The following RALGAPA2 variants were observed in gnomAD, a reference collection of about 807,000 sequenced individuals.
The protein encoded by RALGAPA2 is Ral GTPase activating protein catalytic subunit alpha 2.
Under a neutral mutation model 230.4 loss-of-function variants are expected in RALGAPA2, and 139 were observed. The ratio of observed to expected loss-of-function variants is 0.60; its 90% CI spans 0.53 to 0.69. The LOEUF (loss-of-function observed/expected upper bound fraction) is 0.69. Among genes scored for constraint, RALGAPA2 ranks in the 30% least tolerant of loss-of-function variants. The pLI, the probability that RALGAPA2 is intolerant of heterozygous loss-of-function variation, is 0.00. For synonymous variants in RALGAPA2, 847 were observed against 837.8 expected (o/e 1.01, Z -0.19); for missense variants, 2,163 against 2,276.0 (o/e 0.95, Z 1.01).
chr20:20,602,032 CT>C, intron 15 of RALGAPA2, among the ~76,000 whole-genome samples, 186 bp from the exon 16 acceptor site: 2 of 152,320 alleles, frequency 1.3e-5, no homozygotes, highest in South Asian at 4.1e-4. Flanking sequence ...TTTAAGAATT[CT>C]TGTTGCCAAA....
chr20:20,394,964 G>A (rs903771426), intron 39 of RALGAPA2, among the ~76,000 whole-genome samples: 5 of 148,980 alleles, frequency 3.4e-5, no homozygotes, highest in Admixed American at 6.7e-5. Context: ...GCGAACCTTT[G>A]CTAATTCTGG....
chr20:20,532,178 G>A (rs2063384240), intron 26 of RALGAPA2, among the ~76,000 whole-genome samples: 1 of 152,072 alleles, frequency 6.6e-6, no homozygotes, highest in African/African-American at 2.4e-5. Context: ...GTTTGTAATT[G>A]TTTTCTTTAC....
At chr20:20,552,887 A>C (rs972327057) in intron 23 of RALGAPA2, among the ~76,000 whole-genome samples, 1 of 152,092 alleles carries the variant, frequency 6.6e-6, no homozygotes, top group African/African-American at 2.4e-5. Flanking sequence ...TACATACTAC[A>C]AGCTGCTACC....
chr20:20,705,227 T>C (rs2069547240), intron 1 of RALGAPA2, among the ~76,000 whole-genome samples: 1 of 152,218 alleles, frequency 6.6e-6, no homozygotes, highest in Non-Finnish European at 1.5e-5. Context: ...TTGTTGTTGA[T>C]ACAGGGTCTT....
chr20:20,532,631 G>A (rs1328521521), intron 26 of RALGAPA2, among the ~76,000 whole-genome samples: 3 of 152,158 alleles, frequency 2.0e-5, no homozygotes, highest in Non-Finnish European at 4.4e-5. Flanking sequence ...CAAGTAGGCC[G>A]TTTAATATAT....
intron 23 of RALGAPA2, among the ~76,000 whole-genome samples, chr20:20,562,877 G>C (rs1240962583): frequency 6.6e-6 from 1 of 152,130 alleles, no homozygotes; most frequent in Non-Finnish European, 1.5e-5. Flanking sequence ...TATTTTTGGT[G>C]CAGTCATCTA....
chr20:20,423,610 G>A (rs1269265254), intron 37 of RALGAPA2, among the ~76,000 whole-genome samples: 1 of 152,188 alleles, frequency 6.6e-6, no homozygotes, highest in Non-Finnish European at 1.5e-5. Context: ...ATTCCATAAT[G>A]AGCAAGACAG....
At chr20:20,438,642 C>T (rs1364266611) in intron 37 of RALGAPA2, among the ~76,000 whole-genome samples, 6 of 152,186 alleles carry the variant, frequency 3.9e-5, no homozygotes, top group East Asian at 1.9e-4. Flanking sequence ...ACTGCACGCA[C>T]GCCAACTGTC....
chr20:20,494,847 A>G (rs1419572406), intron 36 of RALGAPA2, among the ~76,000 whole-genome samples: 1 of 152,278 alleles, frequency 6.6e-6, no homozygotes, highest in Admixed American at 6.5e-5. Flanking sequence ...TAGAAAACTT[A>G]AAACATTTAC....
chr20:20,452,827 T>A (rs745741362), intron 37 of RALGAPA2, among the ~76,000 whole-genome samples: 1 of 152,220 alleles, frequency 6.6e-6, no homozygotes, highest in Non-Finnish European at 1.5e-5. Flanking sequence ...TCCAACATGA[T>A]TTAAAATGTT....
At chr20:20,431,686 C>A (rs1397708556) in intron 37 of RALGAPA2, among the ~76,000 whole-genome samples, 2 of 152,098 alleles carry the variant, frequency 1.3e-5, no homozygotes, top group Non-Finnish European at 2.9e-5. Flanking sequence ...GCAAAGGGAG[C>A]AGATTTTAAG....
chr20:20,623,555 T>C (rs767971398), intron 10 of RALGAPA2, among the ~76,000 whole-genome samples: 6 of 149,602 alleles, frequency 4.0e-5, no homozygotes, highest in African/African-American at 1.5e-4. Flanking sequence ...CCAAAAGTGG[T>C]AGAACACTAA....
intron 23 of RALGAPA2, among the ~76,000 whole-genome samples, chr20:20,567,866 AAAAT>A (rs2064489791): frequency 1.1e-4 from 4 of 36,344 alleles, no homozygotes; most frequent in Admixed American, 1.9e-4. Flanking sequence ...ATAATAAAAT[AAAAT>A]AAAATAAAAT....
intron 16 of RALGAPA2, among the ~76,000 whole-genome samples, chr20:20,596,219 C>A (rs2065451544): frequency 6.6e-6 from 1 of 152,056 alleles, no homozygotes; most frequent in Non-Finnish European, 1.5e-5. Flanking sequence ...CCCAAAAGAT[C>A]AGAAAAACAA....
At chr20:20,557,721 C>CCCAA (rs2064127398) in intron 23 of RALGAPA2, among the ~76,000 whole-genome samples, 2 of 152,196 alleles carry the variant, frequency 1.3e-5, no homozygotes, top group Admixed American at 6.5e-5. Flanking sequence ...GAAAACACAA[C>CCCAA]ACTACTGAAT....
At chr20:20,405,012 T>C (rs2059917073) in intron 38 of RALGAPA2, among the ~76,000 whole-genome samples, 1 of 152,244 alleles carries the variant, frequency 6.6e-6, no homozygotes, top group Non-Finnish European at 1.5e-5. Context: ...CTCTCTGCTC[T>C]TCTCACATTT....
chr20:20,697,247 T>C (rs1229665481), intron 1 of RALGAPA2, among the ~76,000 whole-genome samples: 1 of 152,064 alleles, frequency 6.6e-6, no homozygotes, highest in East Asian at 1.9e-4. Flanking sequence ...ATCCTCTCAC[T>C]TGAGCCTGGG....
At chr20:20,455,238 G>C (rs899555188) in intron 37 of RALGAPA2, among the ~76,000 whole-genome samples, 5 of 152,222 alleles carry the variant, frequency 3.3e-5, no homozygotes, top group Admixed American at 6.5e-5. Flanking sequence ...TAGAGCTATC[G>C]ATCGCTGCCT....
chr20:20,620,557 T>C lies in RALGAPA2; in HGVS notation c.1307A>G (p.Gln436Arg), dbSNP rs1296842996. The C allele has an allele frequency of 2.5e-6, 4 of 1,613,838 alleles. No homozygotes were observed. The highest frequency in any genetic ancestry group is 2.5e-6 in the Non-Finnish European group (3 of 1,179,852). Reference protein sequence around the residue: ...VVQVYRKWILQDKPVFMEEPD... With the variant: ...VVQVYRKWILRDKPVFMEEPD... ...CTCCTCCATGAACACAGGTTTGTCC[T>C]GGAGAATCCACTTTCTGTACACTTG... is the stretch of plus-strand genomic sequence containing the variant. Residue 436 changes from glutamine to arginine, a missense_variant, in exon 11 of 40, where the codon CAG becomes CGG. Transcript: ENST00000202677.
Sources: gnomAD v4.1 joint callset for allele counts (sites outside exome capture counted in the v4.1 genomes callset) on GRCh38, gnomAD v4.1.1 for gene constraint, MANE v1.5 for transcripts, NCBI Gene and HGNC (gene_info 2026-07-23, HGNC 2026-07-21) for gene names.